The following PCAT6 variants were observed in gnomAD, a reference collection of about 807,000 sequenced individuals.
PCAT6 encodes KDM5B antisense RNA 1 (head to head).
chr1:202,811,307 G>A, exon 1 of PCAT6: 1 of 399,248 alleles, frequency 2.5e-6, no homozygotes, highest in East Asian at 3.6e-5. Flanking sequence ...CTGCGCCCCA[G>A]ATCTGCAGCC....
At chr1:202,811,264 C>T (rs886095422) in exon 1 of PCAT6, 6 of 399,344 alleles carry the variant, frequency 1.5e-5, no homozygotes, top group Non-Finnish European at 2.6e-5. Context: ...ACTCCCAGAC[C>T]TCACGTCAAC....
At chr1:202,811,359 GCGTTCC>G (rs1658546789) in exon 1 of PCAT6, 1 of 398,566 alleles carries the variant, frequency 2.5e-6, no homozygotes, top group African/African-American at 2.1e-5. Context: ...GGCGCTCCTC[GCGTTCC>G]TTCCGGTAAC....
At chr1:202,811,685 C>G in exon 1 of PCAT6, 1 of 331,830 alleles carries the variant, frequency 3.0e-6, no homozygotes, top group East Asian at 4.6e-5. Context: ...CTCGTCTCCC[C>G]CAGTCTCCAG....
At chr1:202,811,066 T>G (rs1196675070) in exon 1 of PCAT6, 1 of 363,346 alleles carries the variant, frequency 2.8e-6, no homozygotes, top group African/African-American at 2.1e-5. Context: ...ATAGCGGAGC[T>G]GCAGCCCAGG....
At chr1:202,811,623 G>A in exon 1 of PCAT6, 1 of 385,982 alleles carries the variant, frequency 2.6e-6, no homozygotes, top group Non-Finnish European at 4.6e-6. Flanking sequence ...TCCGGTCTCT[G>A]CCTTGCTCGT....
chr1:202,811,670 A>G (rs1030387857), exon 1 of PCAT6: 18 of 353,748 alleles, frequency 5.1e-5, no homozygotes, highest in African/African-American at 3.6e-4. Flanking sequence ...AACCCGGTGG[A>G]TCCTCTCGTC....
exon 1 of PCAT6, chr1:202,811,741 C>A (rs1658556697): frequency 4.0e-6 from 1 of 251,418 alleles, no homozygotes; most frequent in Non-Finnish European, 7.5e-6. Flanking sequence ...CTCAGCTCAT[C>A]TCTCCAATTC....
At chr1:202,811,653 C>G (rs1260018863) in exon 1 of PCAT6, 2 of 367,610 alleles carry the variant, frequency 5.4e-6, no homozygotes, top group Non-Finnish European at 9.7e-6. Flanking sequence ...ACCACCCTTC[C>G]CCTCCCAACC....
exon 1 of PCAT6, chr1:202,811,384 G>A (rs530937407): frequency 5.0e-6 from 2 of 398,748 alleles, no homozygotes; most frequent in Non-Finnish European, 8.8e-6. Flanking sequence ...ACCGCGTTGC[G>A]AAGACCACGC....
At chr1:202,811,317 C>T (rs1658545479) in exon 1 of PCAT6, 1 of 398,944 alleles carries the variant, frequency 2.5e-6, no homozygotes, top group African/African-American at 2.1e-5. Context: ...GATCTGCAGC[C>T]TTCGCCCCTA....
exon 1 of PCAT6, chr1:202,811,429 C>A: frequency 5.0e-6 from 2 of 398,650 alleles, no homozygotes; most frequent in East Asian, 7.1e-5. Flanking sequence ...CTTCCTCCCT[C>A]CCCTCCCCCT....
exon 1 of PCAT6, chr1:202,811,092 C>G: frequency 2.6e-6 from 1 of 381,772 alleles, no homozygotes; most frequent in South Asian, 1.5e-4. Flanking sequence ...GGAGCGGAAC[C>G]CAGCCCCGCT....
exon 1 of PCAT6, chr1:202,811,694 A>G (rs1658555596): frequency 3.1e-6 from 1 of 323,806 alleles, no homozygotes; most frequent in African/African-American, 2.1e-5. Flanking sequence ...CCCAGTCTCC[A>G]GTGCACCGGC....
chr1:202,811,560 CT>C (rs1658551876), exon 1 of PCAT6: 5 of 394,602 alleles, frequency 1.3e-5, no homozygotes. Context: ...CTCGCCGCCT[CT>C]GACAACTTTT....
At chr1:202,811,141 G>A (rs1658540951) in exon 1 of PCAT6, 1 of 395,536 alleles carries the variant, frequency 2.5e-6, no homozygotes, top group Non-Finnish European at 4.5e-6. Context: ...CCTTACTCTT[G>A]GACAACACTC....
chr1:202,811,574 G>C (rs1369483492), exon 1 of PCAT6: 1 of 392,856 alleles, frequency 2.5e-6, no homozygotes, highest in Admixed American at 4.4e-5. Context: ...CAACTTTTCA[G>C]GGCTCCAGGT....
exon 1 of PCAT6, chr1:202,811,128 C>T: frequency 7.6e-6 from 3 of 394,184 alleles, no homozygotes; most frequent in Non-Finnish European, 1.3e-5. Context: ...CCAGGAACCC[C>T]CTCCTTACTC....
exon 1 of PCAT6, chr1:202,811,468 G>A: frequency 2.5e-6 from 1 of 398,472 alleles, no homozygotes; most frequent in Middle Eastern, 6.3e-4. Flanking sequence ...CTGGGACCGG[G>A]TTCTGGGATG....
At chr1:202,811,643 A>G (rs1277771124) in exon 1 of PCAT6, 8 of 376,182 alleles carry the variant, frequency 2.1e-5, no homozygotes, top group East Asian at 3.8e-5. Flanking sequence ...TGCTTCTACC[A>G]CCACCCTTCC....
Sources: allele counts gnomAD v4.1 joint callset, GRCh38; gene constraint gnomAD v4.1.1; transcripts MANE v1.5; gene names NCBI Gene and HGNC (gene_info 2026-07-23, HGNC 2026-07-21).